TIPARP: variants seen among roughly 807,000 people sequenced by gnomAD.
TIPARP encodes the protein TCDD inducible poly(ADP-ribose) polymerase.
TIPARP carries 12 observed loss-of-function variants against 56.5 expected under a neutral mutation model. The ratio of observed to expected loss-of-function variants is 0.21; its 90% CI spans 0.14 to 0.34. TIPARP has a LOEUF of 0.34. Ranked by LOEUF, TIPARP falls within the 10% of genes least tolerant of loss-of-function variation. TIPARP has a pLI of 1.00. For synonymous variants in TIPARP, 296 were observed against 265.7 expected, an observed-to-expected ratio of 1.11 and a Z score of -1.11; for missense variants, 604 against 781.6, an observed-to-expected ratio of 0.77 and a Z score of 2.71.
chr3:156,695,626 C>G (rs1722693771), intron 3 of TIPARP, among the ~76,000 whole-genome samples: 1 of 151,960 alleles, frequency 6.6e-6, no homozygotes, highest in Non-Finnish European at 1.5e-5. Flanking sequence ...AAATAGTTCC[C>G]TGGGCCCCAC....
rs538790183 is a variant in TIPARP, at chr3:156,698,961, T to C, written c.1247+2936T>C. On this transcript the variant is annotated intron_variant, in intron 4 of 5. Coordinates refer to ENST00000295924, the MANE Select transcript of TIPARP (RefSeq NM_015508.5). ...AGAAGTTTATTTCAGCCCACATGGA[T>C]GATTTTGAAGGGTTAAAGACTTCAG... Among the ~76,000 whole-genome samples, 7 of 152,260 alleles carry C rather than the reference T, an allele frequency of 4.6e-5. No individual in the cohort carries two copies. The East Asian group carries it at 1.4e-3, about 29-fold the overall frequency.
intron 2 of TIPARP, among the ~76,000 whole-genome samples, chr3:156,687,065 C>T (rs139624734): frequency 6.6e-6 from 1 of 152,190 alleles, no homozygotes; most frequent in African/African-American, 2.4e-5. Context: ...TTATAAAAAT[C>T]AGTGATTGCA....
chr3:156,700,628 C>T (rs931762324), intron 4 of TIPARP, among the ~76,000 whole-genome samples: 2 of 152,140 alleles, frequency 1.3e-5, no homozygotes, highest in Admixed American at 1.3e-4. Context: ...GCAAACAAAG[C>T]TTAGGGGTTT....
In TIPARP at chr3:156,677,679, G is replaced by C; in HGVS notation, c.-19G>C. The C allele has an allele frequency of 1.3e-6, 2 of 1,547,080 alleles. No homozygotes were observed. On this transcript the variant is annotated 5_prime_UTR_variant, in exon 2 of 6. Transcript: ENST00000295924. ...TAGGATTTTTAGACTCTGAGGAGCA[G>C]TTGGAGCTAATCCACATTATGGAAA...
chr3:156,693,590 T>C (rs1255868409), intron 2 of TIPARP, among the ~76,000 whole-genome samples: 1 of 152,214 alleles, frequency 6.6e-6, no homozygotes, highest in African/African-American at 2.4e-5. Context: ...TATTCCTGTA[T>C]TGGCTCAAGT....
chr3:156,696,280 G>A (rs183303827), intron 4 of TIPARP, among the ~76,000 whole-genome samples: 5 of 152,122 alleles, frequency 3.3e-5, no homozygotes, highest in Admixed American at 1.3e-4. Context: ...AAATATAATT[G>A]TGTCTGGAAT....
At chr3:156,690,922 C>A (rs1234257162) in intron 2 of TIPARP, among the ~76,000 whole-genome samples, 1 of 152,122 alleles carries the variant, frequency 6.6e-6, no homozygotes, top group African/African-American at 2.4e-5. Flanking sequence ...GTATTTACTG[C>A]TTTGACTCTA....
chr3:156,689,710 C>G (rs1722518137), intron 2 of TIPARP, among the ~76,000 whole-genome samples: 1 of 152,142 alleles, frequency 6.6e-6, no homozygotes, highest in Non-Finnish European at 1.5e-5. Flanking sequence ...ATACATATAC[C>G]CTAACCTCCC....
chr3:156,677,942 A>G lies in TIPARP; in HGVS notation c.245A>G (p.Glu82Gly), dbSNP rs2108485324. 3 of 1,614,190 alleles carry G rather than the reference A, an allele frequency of 1.9e-6. No individual in the cohort carries two copies. The highest frequency in any genetic ancestry group is 2.2e-5 in the South Asian group (2 of 91,088). Residue 82 changes from glutamate (E) to glycine (G), a missense_variant, in exon 2 of 6, where the codon GAG (glutamate) becomes GGG (glycine). Physicochemically the swap from Glu to Gly is moderately conservative, Grantham distance 98. Coordinates refer to ENST00000295924, the MANE Select transcript of TIPARP (RefSeq NM_015508.5). ...VFRSRNQSTDENSLHEPMMKK... is the reference protein window; with the variant it reads ...VFRSRNQSTDGNSLHEPMMKK... The stretch of plus-strand genomic sequence containing the variant: ...AGATCTAGGAACCAGAGTACAGATG[A>G]GAACAGCTTACATGAACCTATGATG...
At chr3:156,696,370 A>G (rs1473676235) in intron 4 of TIPARP, among the ~76,000 whole-genome samples, 1 of 152,184 alleles carries the variant, frequency 6.6e-6, no homozygotes, top group Non-Finnish European at 1.5e-5. Context: ...AGACCCTTCT[A>G]TGTTACAGGA....
intron 4 of TIPARP, among the ~76,000 whole-genome samples, chr3:156,697,351 T>G (rs1375502242): frequency 6.6e-6 from 1 of 151,490 alleles, no homozygotes; most frequent in Non-Finnish European, 1.5e-5. Context: ...TCTGCATTGT[T>G]GGAAAGTTTC....
intron 2 of TIPARP, chr3:156,681,025 G>C (rs572171275): frequency 1.5e-4 from 62 of 408,368 alleles, no homozygotes; most frequent in South Asian, 1.1e-3. Context: ...TAATATAGTA[G>C]ATAGCTAAGT....
intron 2 of TIPARP, among the ~76,000 whole-genome samples, chr3:156,684,087 GA>G (rs1361417030): frequency 6.6e-6 from 1 of 152,032 alleles, no homozygotes; most frequent in Non-Finnish European, 1.5e-5. Context: ...TTTTGCAAAG[GA>G]AAAAACATAT....
intron 4 of TIPARP, among the ~76,000 whole-genome samples, chr3:156,696,543 T>C (rs1722718206): frequency 6.6e-6 from 1 of 152,214 alleles, no homozygotes. Flanking sequence ...TCACTAAAAT[T>C]ACTTGTCATA....
intron 1 of TIPARP, among the ~76,000 whole-genome samples, chr3:156,677,289 G>GT (rs534439326): frequency 6.6e-6 from 1 of 152,104 alleles, no homozygotes; most frequent in African/African-American, 2.4e-5. Flanking sequence ...TGGAAATGTG[G>GT]TTTCCCTGCT....
intron 4 of TIPARP, among the ~76,000 whole-genome samples, chr3:156,701,425 A>C (rs547321834): frequency 1.6e-4 from 24 of 152,314 alleles, no homozygotes; most frequent in African/African-American, 5.5e-4. Context: ...TTTTTCTTTC[A>C]AACCAGAAGC....
chr3:156,679,928 T>TGTTTGTTTG lies in TIPARP; in HGVS notation c.917+1315_917+1323dup, dbSNP rs539149296. Among the ~76,000 whole-genome samples, 1,224 of 152,320 alleles carry TGTTTGTTTG rather than the reference T, an allele frequency of 8.0e-3. 7 individuals carry two copies. The highest frequency in any genetic ancestry group is 0.037 in the Middle Eastern group (11 of 294). ...CGCATTACAGAAACATGGTTTTTTTTGTTTGTTTGTTTTTTGTTTTTTCAT... is the reference window on the plus strand; with the variant it reads ...CGCATTACAGAAACATGGTTTTTTTTGTTTGTTTGGTTTGTTTGTTTTTTGTTTTTTCAT... On this transcript the variant is annotated intron_variant, in intron 2 of 5. Transcript: ENST00000295924.
At chr3:156,699,642 G>T (rs1392572001) in intron 4 of TIPARP, among the ~76,000 whole-genome samples, 2 of 152,024 alleles carry the variant, frequency 1.3e-5, no homozygotes, top group African/African-American at 2.4e-5. Context: ...TCACTTTATT[G>T]TGATATTTGC....
Position 156,704,665 on chromosome 3 carries a change from T to G in TIPARP, c.1527-19T>G. ...CTGTATTTCATCCTTCTGAATTCTC[T>G]GTCTGTTCTTTCCATTAGGAAAAAG... On this transcript the variant is annotated intron_variant, in intron 5 of 5. Coordinates refer to ENST00000295924, the MANE Select transcript of TIPARP (RefSeq NM_015508.5). 1 of 1,597,512 alleles carries G rather than the reference T, an allele frequency of 6.3e-7. No homozygotes were observed. Among genetic ancestry groups the G allele is most frequent in the African/African-American group, 1.3e-5 (1 of 74,642 alleles).
Sources: allele counts gnomAD v4.1 joint callset (sites outside exome capture counted in the v4.1 genomes callset), GRCh38; gene constraint gnomAD v4.1.1; transcripts MANE v1.5; gene names NCBI Gene and HGNC (gene_info 2026-07-23, HGNC 2026-07-21).